Variants in RSAD1 observed in about 807,000 individuals in gnomAD.
RSAD1 encodes radical S-adenosyl methionine domain-containing protein 1, mitochondrial.
A neutral mutation model predicts 46.2 loss-of-function variants in RSAD1; 34 were observed. That is an observed-to-expected ratio of 0.74 (90% CI 0.56 to 0.98). RSAD1 has a LOEUF of 0.98. RSAD1 is among the 50% of genes least tolerant of loss of function. The pLI is 0.00. For synonymous variants in RSAD1, 260 were observed against 253.5 expected, an observed-to-expected ratio of 1.03 and a Z score of -0.24; for missense variants, 635 against 592.3, an observed-to-expected ratio of 1.07 and a Z score of -0.75.
rs1298942132 is a variant in RSAD1 at position 50,482,180 on chromosome 17, T to G, written c.564T>G (p.Phe188Leu). The change falls in exon 4 of 9, where the codon TTT becomes TTG. Residue 188 changes from phenylalanine (F) to leucine (L), a missense_variant. Coordinates refer to ENST00000258955, the MANE Select transcript of RSAD1 (RefSeq NM_018346.3). The stretch of plus-strand genomic sequence containing the variant: ...CGCTGGCAGAGGCCCGGCGCCTCTT[T>G]CCCGGGCGCGTGTCTGTAGACTTGA... Reference protein sequence around the residue: ...LRTLAEARRLFPGRVSVDLML... With the variant: ...LRTLAEARRLLPGRVSVDLML... 6.3e-7 allele frequency: 1 copy of G among 1,580,658 alleles called. No individual in the cohort carries two copies. Among genetic ancestry groups the G allele is most frequent in the Admixed American group, 1.8e-5 (1 of 55,916 alleles).
In RSAD1 at chr17:50,483,686, C is replaced by T. The variant is rs2046140376; in HGVS notation, c.1053-20C>T. 1 of 1,612,830 alleles carries T rather than the reference C, an allele frequency of 6.2e-7. No homozygotes were observed. The highest frequency in any genetic ancestry group is 8.5e-7 in the Non-Finnish European group (1 of 1,179,650). ...AGCACAGGCCTCCTCTCTAAGACTC[C>T]TTGGTGATTTTTCTTTGAGGCTGGA... On this transcript the variant is annotated intron_variant, in intron 6 of 8. Coordinates refer to ENST00000258955, the MANE Select transcript of RSAD1 (RefSeq NM_018346.3).
At chr17:50,480,913 A>G (rs1381394011) in intron 3 of RSAD1, among the ~76,000 whole-genome samples, 1 of 152,252 alleles carries the variant, frequency 6.6e-6, no homozygotes. Context: ...TATTGTGGTA[A>G]GAACAGACAG....
In RSAD1 at chr17:50,484,917, G is replaced by T. The variant is rs914125618; in HGVS notation, c.*56G>T. 5 of 1,378,952 alleles carry T rather than the reference G, an allele frequency of 3.6e-6. No individual in the cohort carries two copies. The South Asian group carries it at 4.7e-5, about 13-fold the overall frequency. The allele number at this position is 1,378,952 out of a possible 1,614,324, so 85.4% of individuals were successfully genotyped here. ...CAGGTGGGTTTTGAGAGCTGGGTCG[G>T]TACTGCAGACATCTCTTCTCCGTTG... On this transcript the variant is annotated 3_prime_UTR_variant, in exon 9 of 9. Transcript: ENST00000258955.
At chr17:50,483,885 G>A in intron 7 of RSAD1, 125 bp downstream of exon 7, 1 of 936,222 alleles carries the variant, frequency 1.1e-6, no homozygotes, top group East Asian at 2.7e-5. Flanking sequence ...CTAGAAGTGG[G>A]GCCCAGGTCC....
chr17:50,484,887 A>G lies in RSAD1; in HGVS notation c.*26A>G. 6.3e-7 allele frequency: 1 copy of G among 1,597,890 alleles called. No homozygotes were observed. The highest frequency in any genetic ancestry group is 1.7e-5 in the Admixed American group (1 of 59,902). ...CAAAAATGTTCCTGTGTTCCAGGGTAATGCCAGGTGGGTTTTGAGAGCTGG... is the reference window on the plus strand; with the variant it reads ...CAAAAATGTTCCTGTGTTCCAGGGTGATGCCAGGTGGGTTTTGAGAGCTGG... On this transcript the variant is annotated 3_prime_UTR_variant, in exon 9 of 9. Transcript: ENST00000258955.
In RSAD1 at chr17:50,478,893, C is replaced by A. The variant is rs1039258623; in HGVS notation, c.9C>A (p.Leu3=). 79 of 1,311,052 alleles carry A rather than the reference C, an allele frequency of 6.0e-5. No individual in the cohort carries two copies. The highest frequency in any genetic ancestry group is 2.9e-4 in the Admixed American group (7 of 23,964). The allele number at this position is 1,311,052 out of a possible 1,614,324, so 81.2% of individuals were successfully genotyped here. A position where few individuals can be genotyped will look rare whatever the true frequency, so the allele number is the denominator to read the frequency against. The part of the protein sequence containing the change: MA[L]PGARARGWAA... ...GCGCTGCGCTGGGCGCCATGGCGCT[C>A]CCCGGAGCCCGGGCTCGCGGCTGGG... The change falls in exon 1 of 9, where the codon CTC becomes CTA. Residue 3 remains leucine (L), a synonymous_variant. Coordinates refer to ENST00000258955, the MANE Select transcript of RSAD1 (RefSeq NM_018346.3).
chr17:50,482,527 T>C, intron 4 of RSAD1, 71 bp downstream of exon 4: 1 of 1,610,200 alleles, frequency 6.2e-7, no homozygotes, highest in African/African-American at 1.3e-5. Flanking sequence ...GTTGTGACCT[T>C]CTGAAGAGAA....
In RSAD1 at chr17:50,484,920, C is replaced by A; in HGVS notation, c.*59C>A. 1 of 1,314,980 alleles carries A rather than the reference C, an allele frequency of 7.6e-7. No individual in the cohort carries two copies. Among genetic ancestry groups the A allele is most frequent in the African/African-American group, 1.4e-5 (1 of 69,052 alleles). 81.5% of individuals were successfully genotyped at this position (1,314,980 alleles called of 1,614,324 possible). A position where few individuals can be genotyped will look rare whatever the true frequency, so the allele number is the denominator to read the frequency against. On this transcript the variant is annotated 3_prime_UTR_variant, in exon 9 of 9. Coordinates refer to ENST00000258955, the MANE Select transcript of RSAD1 (RefSeq NM_018346.3). ...GTGGGTTTTGAGAGCTGGGTCGGTACTGCAGACATCTCTTCTCCGTTGTCG... is the reference window on the plus strand; with the variant it reads ...GTGGGTTTTGAGAGCTGGGTCGGTAATGCAGACATCTCTTCTCCGTTGTCG...
rs2033342081 is a variant in RSAD1 at position 50,478,874 on chromosome 17, C to T, written c.-11C>T. 7.7e-6 allele frequency: 10 copies of T among 1,292,876 alleles called. No individual in the cohort carries two copies. In the South Asian group the frequency reaches 1.5e-4, roughly 19 times the overall value. The allele number at this position is 1,292,876 out of a possible 1,614,324, so 80.1% of individuals were successfully genotyped here. On this transcript the variant is annotated 5_prime_UTR_variant, in exon 1 of 9. Transcript: ENST00000258955. The stretch of plus-strand genomic sequence containing the variant: ...CTGCTCGGGTCAGTGCGCCGCGCTG[C>T]GCTGGGCGCCATGGCGCTCCCCGGA...
At chr17:50,479,211 C>T (rs1300132246) in intron 1 of RSAD1, 192 bp downstream of exon 1, 8 of 576,348 alleles carry the variant, frequency 1.4e-5, no homozygotes, top group Non-Finnish European at 1.9e-5. Context: ...CCTGAAGTCT[C>T]TGCTACTCAC....
chr17:50,483,429 G>A lies in RSAD1; in HGVS notation c.994G>A (p.Glu332Lys), dbSNP rs2033409395. Residue 332 changes from glutamate (E) to lysine (K), a missense_variant, in exon 6 of 9, where the codon GAG becomes AAG. Physicochemically the swap from Glu to Lys is moderately conservative, Grantham distance 56. Coordinates refer to ENST00000258955, the MANE Select transcript of RSAD1 (RefSeq NM_018346.3). ...ACTGGAGCCTGACAACTGGATGAAG[G>A]AGGTGATGCTGTTTGGCCATGGCAC... ...QTLEPDNWMK[E>K]VMLFGHGTRK... The A allele has an allele frequency of 1.2e-6, 2 of 1,613,704 alleles. No individual in the cohort carries two copies. The highest frequency in any genetic ancestry group is 4.5e-5 in the East Asian group (2 of 44,894).
rs71353643 is a variant in RSAD1 at position 50,483,172 on chromosome 17, C to CAAAAA, written c.905-152_905-148dup. 1.9e-3 allele frequency among the ~76,000 whole-genome samples: 130 copies of CAAAAA among 68,342 alleles called. 1 individual carries two copies. The highest frequency in any genetic ancestry group is 7.3e-3 in the African/African-American group (102 of 13,908). 44.8% of individuals were successfully genotyped at this position (68,342 alleles called of 152,430 possible). A position where few individuals can be genotyped will look rare whatever the true frequency, so the allele number is the denominator to read the frequency against. ...TGGGCAGTATAGTGAGACACCACCT[C>CAAAAA]AAAAAAAAAAAAAAAAAAAAGAAAG... On this transcript the variant is annotated intron_variant, in intron 5 of 8. Transcript: ENST00000258955.
In RSAD1 at chr17:50,484,720, C is replaced by T. The variant is rs200857726; in HGVS notation, c.1212-24C>T. On this transcript the variant is annotated intron_variant, in intron 8 of 8. Transcript: ENST00000258955. ...TGAAATTGGTAAGATGAAGTAGTCA[C>T]CTTCAGGCCTCTTGGTTTTCCAGGG... 738 of 1,601,218 alleles carry T rather than the reference C, an allele frequency of 4.6e-4. 4 individuals are homozygous for T. In the African/African-American group the frequency reaches 9.2e-3, roughly 20 times the overall value.
At position 50,479,865 on chromosome 17, in the gene RSAD1, A is replaced by G. The variant is rs76100253; in HGVS notation, c.270-15A>G. 2,206 of 1,606,364 alleles carry G rather than the reference A, an allele frequency of 1.4e-3. 33 individuals carry two copies. The African/African-American group carries it at 0.026, about 19-fold the overall frequency. On this transcript the variant is annotated splice_polypyrimidine_tract_variant and intron_variant, in intron 2 of 8. Transcript: ENST00000258955. Reference sequence around the variant, plus strand: ...GGGCTCCCCCAGGTCTCATTTCTCCATTCTCTTTCCCCAGGGTGGAGTCTG... The same window carrying G: ...GGGCTCCCCCAGGTCTCATTTCTCCGTTCTCTTTCCCCAGGGTGGAGTCTG...
chr17:50,479,614 A>T lies in RSAD1; in HGVS notation c.136-15A>T, dbSNP rs766834887. 18 of 1,613,234 alleles carry T rather than the reference A, an allele frequency of 1.1e-5. No homozygotes were observed. Among genetic ancestry groups the T allele is most frequent in the Middle Eastern group, 3.3e-4 (2 of 6,064 alleles). ...AGGGCAGCTCTCACCGCGCACGTGC[A>T]CTCACTGCCCCCAGTGGCCTTACTG... On this transcript the variant is annotated splice_polypyrimidine_tract_variant and intron_variant, in intron 1 of 8. Coordinates refer to ENST00000258955, the MANE Select transcript of RSAD1 (RefSeq NM_018346.3).
rs115070435 is a variant in RSAD1, at chr17:50,484,635, A to G, written c.1211+90A>G. The G allele has an allele frequency of 2.3e-3, 3,583 of 1,527,434 alleles. 70 individuals are homozygous for G. In the African/African-American group the frequency reaches 0.04, roughly 17 times the overall value. 94.6% of individuals were successfully genotyped at this position (1,527,434 alleles called of 1,614,324 possible). A position where few individuals can be genotyped will look rare whatever the true frequency, so the allele number is the denominator to read the frequency against. On this transcript the variant is annotated intron_variant, in intron 8 of 8. Transcript: ENST00000258955. ...CACAGACCCAGGAGAAGTGAGAAAG[A>G]CTGACTGGTAAGGCGGGACCTGCGG...
chr17:50,482,153 G>C lies in RSAD1; in HGVS notation c.537G>C (p.Arg179=). Residue 179 remains arginine (R), a synonymous_variant, in exon 4 of 9, where the codon CGG becomes CGC. Coordinates refer to ENST00000258955, the MANE Select transcript of RSAD1 (RefSeq NM_018346.3). ...GRTHSACDAL[R]TLAEARRLFP... ...CGCACTCGGCCTGCGATGCTCTGCGGACGCTGGCAGAGGCCCGGCGCCTCT... is the reference window on the plus strand; with the variant it reads ...CGCACTCGGCCTGCGATGCTCTGCGCACGCTGGCAGAGGCCCGGCGCCTCT... The C allele has an allele frequency of 6.3e-7, 1 of 1,591,110 alleles. No individual in the cohort carries two copies. Among genetic ancestry groups the C allele is most frequent in the Non-Finnish European group, 8.6e-7 (1 of 1,165,664 alleles).
Position 50,483,488 on chromosome 17 carries a change from G to A in RSAD1, c.1052+1G>A. The A allele has an allele frequency of 6.2e-7, 1 of 1,612,470 alleles. No homozygotes were observed. The highest frequency in any genetic ancestry group is 8.5e-7 in the Non-Finnish European group (1 of 1,179,254). On this transcript the variant is annotated splice_donor_variant, in intron 6 of 8. Coordinates refer to ENST00000258955, the MANE Select transcript of RSAD1 (RefSeq NM_018346.3). LOFTEE classifies it high-confidence loss of function. ...GTGTCCCCCTGGGCAGGCTGGAGCTGTGAGCATCCAAGGGCACAGGGCTCT... is the reference window on the plus strand; with the variant it reads ...GTGTCCCCCTGGGCAGGCTGGAGCTATGAGCATCCAAGGGCACAGGGCTCT...
chr17:50,482,254 A>G lies in RSAD1; in HGVS notation c.638A>G (p.Gln213Arg). The change falls in exon 4 of 9, where the codon CAG becomes CGG. Residue 213 changes from glutamine (Q) to arginine (R), a missense_variant. Gln to Arg is a conservative substitution (Grantham distance 43). Coordinates refer to ENST00000258955, the MANE Select transcript of RSAD1 (RefSeq NM_018346.3). ...QQVGPWLGQL[Q>R]ELLHHCDDHL... Reference sequence around the variant, plus strand: ...GTGGGGCCGTGGCTTGGGCAGCTGCAGGAACTGCTGCACCACTGTGATGAC... The same window carrying G: ...GTGGGGCCGTGGCTTGGGCAGCTGCGGGAACTGCTGCACCACTGTGATGAC... The G allele has an allele frequency of 6.3e-7, 1 of 1,575,174 alleles. No individual in the cohort carries two copies.
Sources: gnomAD v4.1 joint callset for allele counts (sites outside exome capture counted in the v4.1 genomes callset) on GRCh38, gnomAD v4.1.1 for gene constraint, MANE v1.5 for transcripts, NCBI Gene and HGNC (gene_info 2026-07-23, HGNC 2026-07-21) for gene names.